Variants in PACRG observed in about 807,000 individuals in gnomAD.
PACRG encodes the protein parkin coregulated gene protein.
In PACRG, 29 loss-of-function variants were observed where a neutral mutation model predicts 29.7. That is an observed-to-expected ratio of 0.98 (90% CI 0.73 to 1.33). The LOEUF is 1.33. PACRG is among the 40% of genes most tolerant of loss of function. The pLI is 0.00. For missense variants in PACRG, 279 were observed against 316.2 expected (o/e 0.88, Z 0.89); for synonymous variants, 116 against 118.7 (o/e 0.98, Z 0.15).
chr6:162,848,887 G>A (rs1325204960), intron 2 of PACRG, among the ~76,000 whole-genome samples: 1 of 152,218 alleles, frequency 6.6e-6, no homozygotes, highest in Non-Finnish European at 1.5e-5. Context: ...CACATGTGAG[G>A]TCTGTGTATA....
At chr6:163,269,975 G>GAAAAC (rs1441647249) in intron 4 of PACRG, among the ~76,000 whole-genome samples, 1 of 79,934 alleles carries the variant, frequency 1.3e-5, no homozygotes, top group Admixed American at 1.3e-4. Context: ...AAGAAAGAAA[G>GAAAAC]AAAGAAAGAA....
chr6:162,928,305 G>A (rs906533284), intron 2 of PACRG, among the ~76,000 whole-genome samples: 1 of 151,964 alleles, frequency 6.6e-6, no homozygotes, highest in African/African-American at 2.4e-5. Flanking sequence ...TTGGCATATA[G>A]TTGTTCATAA....
chr6:162,928,055 G>A (rs1797581345), intron 2 of PACRG, among the ~76,000 whole-genome samples: 1 of 152,046 alleles, frequency 6.6e-6, no homozygotes, highest in African/African-American at 2.4e-5. Flanking sequence ...GTGTTTGGGA[G>A]AATTCTCTCC....
chr6:162,773,403 T>C (rs1454283818), intron 1 of PACRG, among the ~76,000 whole-genome samples: 2 of 151,664 alleles, frequency 1.3e-5, no homozygotes, highest in Non-Finnish European at 2.9e-5. Context: ...AAAATAGATG[T>C]AGATATTAAT....
At chr6:162,901,926 G>A (rs1280004943) in intron 2 of PACRG, among the ~76,000 whole-genome samples, 4 of 152,222 alleles carry the variant, frequency 2.6e-5, no homozygotes, top group African/African-American at 9.6e-5. Flanking sequence ...ATTACTTGGT[G>A]ACAAATGCCT....
intron 4 of PACRG, among the ~76,000 whole-genome samples, chr6:163,241,852 T>A (rs1782522183): frequency 6.6e-6 from 1 of 152,170 alleles, no homozygotes; most frequent in Non-Finnish European, 1.5e-5. Context: ...ATGGAACAGA[T>A]GAATCCATTC....
intron 2 of PACRG, among the ~76,000 whole-genome samples, chr6:162,914,401 C>G (rs926733601): frequency 2.0e-5 from 3 of 151,682 alleles, no homozygotes; most frequent in African/African-American, 7.3e-5. Flanking sequence ...GTAGACTGAA[C>G]AGTCTGAGCT....
chr6:162,958,584 C>G (rs895616862), intron 2 of PACRG, among the ~76,000 whole-genome samples: 6 of 151,798 alleles, frequency 4.0e-5, no homozygotes, highest in African/African-American at 1.5e-4. Context: ...TTAATTTATT[C>G]ACTTGACAAA....
intron 4 of PACRG, among the ~76,000 whole-genome samples, chr6:163,159,464 A>G (rs1778462077): frequency 6.6e-6 from 1 of 152,038 alleles, no homozygotes; most frequent in South Asian, 2.1e-4. Context: ...AATTGCATTT[A>G]TACAATTTTT....
chr6:163,261,678 T>C (rs1418153346), intron 4 of PACRG, among the ~76,000 whole-genome samples: 1 of 152,220 alleles, frequency 6.6e-6, no homozygotes, highest in Non-Finnish European at 1.5e-5. Context: ...AAAATGCAGA[T>C]CTGAAATACT....
At chr6:163,045,708 C>T (rs1390582790) in intron 2 of PACRG, among the ~76,000 whole-genome samples, 13 of 149,272 alleles carry the variant, frequency 8.7e-5, no homozygotes, top group Admixed American at 1.3e-4. Context: ...CTGCAACCTC[C>T]GCCTCCCAGG....
At chr6:163,301,108 G>A (rs889325020) in intron 4 of PACRG, among the ~76,000 whole-genome samples, 5 of 151,660 alleles carry the variant, frequency 3.3e-5, no homozygotes, top group Non-Finnish European at 4.4e-5. Flanking sequence ...GCTGCTTCCC[G>A]TGAGTTTAGT....
chr6:163,007,487 T>C (rs1805227417), intron 2 of PACRG, among the ~76,000 whole-genome samples: 1 of 152,142 alleles, frequency 6.6e-6, no homozygotes, highest in Non-Finnish European at 1.5e-5. Context: ...GTATGAAATG[T>C]CTTTATTTTG....
intron 4 of PACRG, among the ~76,000 whole-genome samples, chr6:163,253,609 C>T (rs1039695713): frequency 1.3e-5 from 2 of 152,116 alleles, no homozygotes; most frequent in East Asian, 3.9e-4. Flanking sequence ...GCTTACTCAG[C>T]CAGGTGGTGG....
At chr6:163,113,987 G>A (rs1052957485) in intron 4 of PACRG, among the ~76,000 whole-genome samples, 4 of 152,028 alleles carry the variant, frequency 2.6e-5, no homozygotes, top group East Asian at 1.9e-4. Flanking sequence ...TTGTAATATC[G>A]ATAACTGATC....
chr6:162,804,666 T>C (rs928960508), intron 1 of PACRG, among the ~76,000 whole-genome samples: 2 of 152,124 alleles, frequency 1.3e-5, no homozygotes, highest in Non-Finnish European at 2.9e-5. Context: ...TGACTCTATA[T>C]TCTCCTGACC....
intron 1 of PACRG, among the ~76,000 whole-genome samples, chr6:162,754,534 T>C (rs1366099594): frequency 1.3e-5 from 2 of 152,172 alleles, no homozygotes; most frequent in African/African-American, 4.8e-5. Flanking sequence ...ATCCAAAAAA[T>C]AACTGCCCAG....
chr6:162,975,144 A>G (rs1801843257), intron 2 of PACRG, among the ~76,000 whole-genome samples: 1 of 152,172 alleles, frequency 6.6e-6, no homozygotes, highest in South Asian at 2.1e-4. Flanking sequence ...CTACCAAGGT[A>G]TCCAGACAGG....
chr6:163,112,791 G>C (rs984874510), intron 4 of PACRG, among the ~76,000 whole-genome samples: 3 of 152,150 alleles, frequency 2.0e-5, no homozygotes, highest in African/African-American at 7.2e-5. Context: ...CTGATTTCCA[G>C]AGTTACTATG....
Sources: gnomAD v4.1 joint callset for allele counts (sites outside exome capture counted in the v4.1 genomes callset) on GRCh38, gnomAD v4.1.1 for gene constraint, MANE v1.5 for transcripts, NCBI Gene and HGNC (gene_info 2026-07-23, HGNC 2026-07-21) for gene names.